UNC13C: variants seen among roughly 807,000 people sequenced by gnomAD.
The protein encoded by UNC13C is protein unc-13 homolog C.
UNC13C carries 174 observed loss-of-function variants against 245.4 expected under a neutral mutation model. That is an observed-to-expected ratio of 0.71 (90% CI 0.63 to 0.80). UNC13C has a LOEUF of 0.80. Among genes scored for constraint, UNC13C ranks in the 30% least tolerant of loss-of-function variants. The pLI is 0.00. For missense variants in UNC13C, 2,829 were observed against 2,602.9 expected (o/e 1.09, Z -1.89); for synonymous variants, 992 against 895.1 (o/e 1.11, Z -1.93).
At chr15:54,034,616 T>C (rs190987688) in intron 2 of UNC13C, among the ~76,000 whole-genome samples, 2 of 152,370 alleles carry the variant, frequency 1.3e-5, no homozygotes, top group East Asian at 3.9e-4. Flanking sequence ...TGTGAAATTC[T>C]TAGTGTATTT....
Position 54,039,193 on chromosome 15 carries a change from C to T in UNC13C, c.2983+23307C>T, listed in dbSNP as rs140874128. Reference sequence around the variant, plus strand: ...TGTAATTTTTCTTCACTGTTTTGTTCGGTTTTGCACTTATTTGATTCTCTT... The same window carrying T: ...TGTAATTTTTCTTCACTGTTTTGTTTGGTTTTGCACTTATTTGATTCTCTT... On this transcript the variant is annotated intron_variant, in intron 2 of 32. Transcript: ENST00000260323. 1.6e-4 allele frequency among the ~76,000 whole-genome samples: 25 copies of T among 152,218 alleles called. No homozygotes were observed. In the East Asian group the frequency reaches 4.4e-3, roughly 27 times the overall value.
In UNC13C at chr15:54,236,437, T is replaced by C. The variant is rs868277714; in HGVS notation, c.3156+2T>C. ...CACTTCTGGAATCTTCAGGCCATGG[T>C]AAGTGCTTTGCTATTTATTTAATTA... On this transcript the variant is annotated splice_donor_variant, in intron 6 of 32. Transcript: ENST00000260323. LOFTEE classifies it high-confidence loss of function. The C allele has an allele frequency of 6.3e-7, 1 of 1,591,504 alleles. No individual in the cohort carries two copies. Among genetic ancestry groups the C allele is most frequent in the Non-Finnish European group, 8.5e-7 (1 of 1,174,766 alleles).
intron 30 of UNC13C, among the ~76,000 whole-genome samples, chr15:54,618,956 G>T (rs931778577): frequency 6.6e-6 from 1 of 152,112 alleles, no homozygotes; most frequent in Admixed American, 6.6e-5. Flanking sequence ...TAAACATACA[G>T]GGAAATTTAA....
chr15:54,074,217 G>A (rs572760783), intron 2 of UNC13C, among the ~76,000 whole-genome samples: 1 of 148,196 alleles, frequency 6.7e-6, no homozygotes, highest in African/African-American at 2.5e-5. Context: ...TGAGGCCTCT[G>A]TTCTGTTCCA....
chr15:54,324,237 C>T (rs2038237376), intron 14 of UNC13C, among the ~76,000 whole-genome samples: 1 of 152,034 alleles, frequency 6.6e-6, no homozygotes, highest in Admixed American at 6.6e-5. Context: ...ATTGGAACCT[C>T]AGGTTTTTAT....
chr15:53,922,710 C>T, the UNC13C span, among the ~76,000 whole-genome samples: 8 of 152,176 alleles, frequency 5.3e-5, no homozygotes, highest in African/African-American at 1.9e-4. Flanking sequence ...TATTGACTTA[C>T]ATCAACAGAG....
intron 2 of UNC13C, among the ~76,000 whole-genome samples, chr15:54,118,656 T>C (rs958145560): frequency 1.3e-5 from 2 of 152,178 alleles, no homozygotes; most frequent in Non-Finnish European, 2.9e-5. Flanking sequence ...CTACTTACTC[T>C]GGCCAGGACT....
intron 7 of UNC13C, among the ~76,000 whole-genome samples, chr15:54,242,928 C>A (rs1194214216): frequency 6.6e-6 from 1 of 152,146 alleles, no homozygotes; most frequent in Admixed American, 6.6e-5. Flanking sequence ...GAATGGTCAG[C>A]CCCCTCCTCA....
intron 19 of UNC13C, among the ~76,000 whole-genome samples, chr15:54,480,434 T>A (rs2141061616): frequency 6.6e-6 from 1 of 151,208 alleles, no homozygotes; most frequent in East Asian, 1.9e-4. Flanking sequence ...TTTTTTTAGT[T>A]TTGTCTGGCT....
chr15:53,975,697 G>C (rs758021021), upstream of UNC13C, among the ~76,000 whole-genome samples: 4 of 152,176 alleles, frequency 2.6e-5, no homozygotes, highest in African/African-American at 9.7e-5. Flanking sequence ...AGTGACCCAG[G>C]TTCCTTGCTT....
intron 2 of UNC13C, among the ~76,000 whole-genome samples, chr15:54,090,408 T>A (rs2141135108): frequency 6.6e-6 from 1 of 152,294 alleles, no homozygotes; most frequent in South Asian, 2.1e-4. Context: ...TGTAGTACAA[T>A]GAAATAATCA....
the UNC13C span, among the ~76,000 whole-genome samples, chr15:53,942,329 A>T: frequency 6.6e-6 from 1 of 152,120 alleles, no homozygotes; most frequent in African/African-American, 2.4e-5. Context: ...GCATGTTCTC[A>T]TTTATAAGTA....
At chr15:54,000,036 TG>T (rs1278669710) in intron 1 of UNC13C, among the ~76,000 whole-genome samples, 1 of 152,078 alleles carries the variant, frequency 6.6e-6, no homozygotes, top group African/African-American at 2.4e-5. Context: ...AATGAGTATG[TG>T]ATATTTTGAC....
At chr15:54,480,016 A>C (rs1893013876) in intron 19 of UNC13C, among the ~76,000 whole-genome samples, 1 of 152,022 alleles carries the variant, frequency 6.6e-6, no homozygotes, top group Non-Finnish European at 1.5e-5. Flanking sequence ...CCTGGCCTGT[A>C]AGCTTTCTGC....
chr15:53,970,074 G>C, the UNC13C span, among the ~76,000 whole-genome samples: 1 of 149,038 alleles, frequency 6.7e-6, no homozygotes, highest in Non-Finnish European at 1.5e-5. Flanking sequence ...TTGTGAGACA[G>C]AGTTTCACTC....
chr15:54,586,601 G>A (rs1898505186), intron 30 of UNC13C, among the ~76,000 whole-genome samples: 1 of 152,072 alleles, frequency 6.6e-6, no homozygotes, highest in African/African-American at 2.4e-5. Flanking sequence ...TGGAGGGTGG[G>A]GCTTTTACAA....
chr15:54,463,713 C>A (rs1348507211), intron 19 of UNC13C, among the ~76,000 whole-genome samples: 1 of 152,146 alleles, frequency 6.6e-6, no homozygotes, highest in African/African-American at 2.4e-5. Flanking sequence ...CTGGGAGGGT[C>A]CGCAGCTTCA....
intron 8 of UNC13C, among the ~76,000 whole-genome samples, chr15:54,260,863 A>G (rs2036406677): frequency 6.6e-6 from 1 of 151,690 alleles, no homozygotes; most frequent in Admixed American, 6.6e-5. Context: ...AAAAAAACAC[A>G]AAAATTGTAA....
chr15:54,099,497 G>A (rs542152809), intron 2 of UNC13C, among the ~76,000 whole-genome samples: 103 of 152,044 alleles, frequency 6.8e-4, no homozygotes, highest in African/African-American at 2.5e-3. Flanking sequence ...ACCCCAAGAT[G>A]GTCACTTAAT....
Sources: allele counts gnomAD v4.1 joint callset (sites outside exome capture counted in the v4.1 genomes callset), GRCh38; gene constraint gnomAD v4.1.1; transcripts MANE v1.5; gene names NCBI Gene and HGNC (gene_info 2026-07-23, HGNC 2026-07-21).